The following CSRNP3 variants were observed in gnomAD, a reference collection of about 807,000 sequenced individuals.
The protein encoded by CSRNP3 is cysteine and serine rich nuclear protein 3.
In CSRNP3, 12 loss-of-function variants were observed where a neutral mutation model predicts 48.0. That is an observed-to-expected ratio of 0.25 (90% confidence interval 0.16 to 0.41). The LOEUF is 0.41. Among genes scored for constraint, CSRNP3 ranks in the 10% least tolerant of loss-of-function variants. The probability of loss-of-function intolerance (pLI) is 1.00; values close to 1 mark genes in which losing one functional copy is unlikely to be tolerated. For synonymous variants in CSRNP3, 263 were observed against 269.7 expected (o/e 0.98, Z 0.24); for missense variants, 580 against 724.4 (o/e 0.80, Z 2.29).
intron 3 of CSRNP3, among the ~76,000 whole-genome samples, chr2:165,593,836 TC>T (rs1334032793): frequency 6.6e-6 from 1 of 152,148 alleles, no homozygotes. Context: ...AGATTGGACA[TC>T]CCTAATCTGA....
intron 4 of CSRNP3, among the ~76,000 whole-genome samples, chr2:165,639,066 C>G (rs1321527115): frequency 1.3e-5 from 2 of 152,156 alleles, no homozygotes; most frequent in Non-Finnish European, 2.9e-5. Flanking sequence ...TAACATTAAA[C>G]TTATGACCAA....
At chr2:165,638,475 T>A (rs1374409685) in intron 4 of CSRNP3, among the ~76,000 whole-genome samples, 2 of 151,402 alleles carry the variant, frequency 1.3e-5, no homozygotes, top group Non-Finnish European at 2.9e-5. Flanking sequence ...AAAAAAAAAA[T>A]CATTTTCTAA....
chr2:165,533,888 T>C (rs1013064860), intron 3 of CSRNP3, among the ~76,000 whole-genome samples: 3 of 152,110 alleles, frequency 2.0e-5, no homozygotes, highest in African/African-American at 7.2e-5. Flanking sequence ...AAGAAAACTT[T>C]TTATAAATGG....
intron 3 of CSRNP3, among the ~76,000 whole-genome samples, chr2:165,551,191 C>T (rs533256048): frequency 1.3e-5 from 2 of 152,234 alleles, no homozygotes; most frequent in East Asian, 3.9e-4. Flanking sequence ...ACTAATACCC[C>T]CAGTCATTTC....
intron 4 of CSRNP3, among the ~76,000 whole-genome samples, chr2:165,637,926 T>C (rs1319319218): frequency 6.6e-6 from 1 of 152,252 alleles, no homozygotes; most frequent in Non-Finnish European, 1.5e-5. Context: ...ATATAGTTGC[T>C]ACAAATTATT....
At chr2:165,626,513 A>C (rs1686438724) in intron 4 of CSRNP3, among the ~76,000 whole-genome samples, 1 of 152,214 alleles carries the variant, frequency 6.6e-6, no homozygotes, top group Non-Finnish European at 1.5e-5. Flanking sequence ...AAGTACTGCT[A>C]ACATTCCGTA....
chr2:165,658,074 T>G, intron 5 of CSRNP3, 54 bp downstream of exon 5: 1 of 1,556,550 alleles, frequency 6.4e-7, no homozygotes, highest in Non-Finnish European at 8.7e-7. Context: ...GCAATTTGAT[T>G]GAGTTAACCA....
At chr2:165,585,521 G>A (rs1685613475) in intron 3 of CSRNP3, among the ~76,000 whole-genome samples, 2 of 152,120 alleles carry the variant, frequency 1.3e-5, no homozygotes, top group African/African-American at 2.4e-5. Flanking sequence ...AAGAAGAAAA[G>A]CTTTTCCTAT....
intron 5 of CSRNP3, among the ~76,000 whole-genome samples, chr2:165,671,240 A>G (rs1687323221): frequency 6.6e-6 from 1 of 152,256 alleles, no homozygotes; most frequent in East Asian, 1.9e-4. Context: ...TGAACATTTA[A>G]TGATTCTATT....
At chr2:165,569,636 T>C (rs1359941917) in intron 3 of CSRNP3, among the ~76,000 whole-genome samples, 1 of 152,040 alleles carries the variant, frequency 6.6e-6, no homozygotes, top group Non-Finnish European at 1.5e-5. Flanking sequence ...TTCTTAAAGC[T>C]ATGATCTTGT....
intron 1 of CSRNP3, among the ~76,000 whole-genome samples, chr2:165,481,209 A>G (rs1188700243): frequency 6.6e-6 from 1 of 152,064 alleles, no homozygotes; most frequent in African/African-American, 2.4e-5. Context: ...GCTCACGTTA[A>G]TAGTGGAGAA....
chr2:165,644,480 C>G (rs1010563099), intron 4 of CSRNP3, among the ~76,000 whole-genome samples: 2 of 152,120 alleles, frequency 1.3e-5, no homozygotes, highest in African/African-American at 4.8e-5. Context: ...TTCATTCATT[C>G]AGTTTAAACC....
At chr2:165,668,401 C>CTTTTTTTTTTTTT (rs71393687) in intron 5 of CSRNP3, among the ~76,000 whole-genome samples, 65 of 111,478 alleles carry the variant, frequency 5.8e-4, no homozygotes, top group Non-Finnish European at 6.5e-4. Flanking sequence ...TTCTTTCTTT[C>CTTTTTTTTTTTTT]TTTTTTTTTT....
intron 4 of CSRNP3, among the ~76,000 whole-genome samples, chr2:165,628,987 G>A (rs1686486916): frequency 6.6e-6 from 1 of 152,184 alleles, no homozygotes; most frequent in Non-Finnish European, 1.5e-5. Context: ...TCAGGTGGTA[G>A]AATTTTGGAA....
chr2:165,688,468 A>G lies in CSRNP3; in HGVS notation c.*8715A>G, dbSNP rs1211795762. ...GTCACAGGGTATATCAATTTGATAG[A>G]TCATTTGACATTTGTCAAAAATACG... On this transcript the variant is annotated 3_prime_UTR_variant, in exon 7 of 7. Coordinates refer to ENST00000651982, the MANE Select transcript of CSRNP3 (RefSeq NM_001172173.2). 1 of 152,182 alleles carries G rather than the reference A, an allele frequency of 6.6e-6. No homozygotes were observed. The highest frequency in any genetic ancestry group is 2.4e-5 in the African/African-American group (1 of 41,454). 9.4% of individuals were successfully genotyped at this position (152,182 alleles called of 1,614,324 possible).
intron 5 of CSRNP3, among the ~76,000 whole-genome samples, chr2:165,669,793 A>C (rs1190511114): frequency 6.6e-6 from 1 of 152,168 alleles, no homozygotes; most frequent in East Asian, 1.9e-4. Context: ...CCAAGCATAC[A>C]CACATGTGCA....
intron 4 of CSRNP3, among the ~76,000 whole-genome samples, chr2:165,604,820 G>C (rs1685981501): frequency 6.6e-6 from 1 of 152,174 alleles, no homozygotes; most frequent in Non-Finnish European, 1.5e-5. Flanking sequence ...AGTTCATTTA[G>C]TTCTTGTTTG....
In CSRNP3 at chr2:165,506,192, T is replaced by C. The variant is rs189195220; in HGVS notation, c.-113+11264T>C. Among the ~76,000 whole-genome samples the C allele has an allele frequency of 2.6e-5, 4 of 152,298 alleles. 1 individual carries two copies. The highest frequency in any genetic ancestry group is 4.1e-4 in the South Asian group (2 of 4,828). The stretch of plus-strand genomic sequence containing the variant: ...ACTTATAGACATACATATTACTCTC[T>C]TCTTGAAGACAAGAAGGCATCTCTT... On this transcript the variant is annotated intron_variant, in intron 2 of 6. Coordinates refer to ENST00000651982, the MANE Select transcript of CSRNP3 (RefSeq NM_001172173.2).
At chr2:165,515,252 A>G (rs1486387814) in intron 2 of CSRNP3, among the ~76,000 whole-genome samples, 1 of 150,392 alleles carries the variant, frequency 6.6e-6, no homozygotes, top group African/African-American at 2.4e-5. Context: ...TTGAACTGGG[A>G]GGTGGAGGTT....
Sources: allele counts gnomAD v4.1 joint callset (sites outside exome capture counted in the v4.1 genomes callset), GRCh38; gene constraint gnomAD v4.1.1; transcripts MANE v1.5; gene names NCBI Gene and HGNC (gene_info 2026-07-23, HGNC 2026-07-21).